PUDP: variants seen among roughly 807,000 people sequenced by gnomAD.
PUDP encodes the protein pseudouridine-5'-phosphatase.
Under a neutral mutation model 9.4 loss-of-function variants are expected in PUDP, and 8 were observed. The observed-to-expected ratio is 0.85, with a 90% CI of 0.50 to 1.53. The LOEUF is 1.53. Among genes scored for constraint, PUDP ranks in the 40% most tolerant of loss-of-function variants. The pLI is 0.00. For missense variants in PUDP, 188 were observed against 189.7 expected (o/e 0.99, Z 0.05); for synonymous variants, 99 against 80.7 (o/e 1.23, Z -1.22).
chrX:7,137,843 G>A (rs1164865586), intron 1 of PUDP, among the ~76,000 whole-genome samples: 2 of 111,828 alleles, frequency 1.8e-5, no homozygotes, highest in South Asian at 3.7e-4. Flanking sequence ...TAAGGGTTCC[G>A]GCTGTCCACA....
intron 3 of PUDP, among the ~76,000 whole-genome samples, chrX:6,932,535 C>T (rs768469680): frequency 1.5e-4 from 17 of 111,598 alleles, no homozygotes; most frequent in Non-Finnish European, 2.8e-4. Flanking sequence ...CAGCTCCCAG[C>T]GTGAGCGACG....
intron 3 of PUDP, among the ~76,000 whole-genome samples, chrX:7,068,068 G>A (rs1217367419): frequency 8.9e-6 from 1 of 111,755 alleles, no homozygotes; most frequent in African/African-American, 3.3e-5. Flanking sequence ...AAATTACCCA[G>A]TTTTGGGTAT....
intron 3 of PUDP, among the ~76,000 whole-genome samples, chrX:6,924,098 CAAA>C (rs1928065223): frequency 9.0e-6 from 1 of 111,230 alleles, no homozygotes; most frequent in African/African-American, 3.3e-5. Flanking sequence ...ACACGTTGTG[CAAA>C]ATGTCAACCC....
intron 1 of PUDP, among the ~76,000 whole-genome samples, chrX:7,125,649 A>C (rs1241975239): frequency 1.4e-4 from 16 of 111,959 alleles, no homozygotes; most frequent in Non-Finnish European, 2.3e-4. Context: ...ATACCTGAGA[A>C]TGGGTAATTT....
chrX:6,723,073 A>G (rs1193313281), upstream of PUDP, among the ~76,000 whole-genome samples: 2 of 110,871 alleles, frequency 1.8e-5, no homozygotes, highest in African/African-American at 6.6e-5. Flanking sequence ...AAAGCTCATA[A>G]ATAACCAACA....
chrX:6,929,909 T>C (rs1001735207), intron 3 of PUDP, among the ~76,000 whole-genome samples: 2 of 111,630 alleles, frequency 1.8e-5, no homozygotes, highest in Non-Finnish European at 3.8e-5. Context: ...TTTGATGTGA[T>C]GGGGCTTATC....
chrX:7,002,389 A>G (rs186154594), intron 1 of PUDP, among the ~76,000 whole-genome samples: 1 of 112,173 alleles, frequency 8.9e-6, no homozygotes, highest in East Asian at 2.8e-4. Flanking sequence ...GGAGGACTCT[A>G]AAACTTGCTT....
At chrX:6,938,786 C>CTTTTTTTTTTTTTTTTTTTTT (rs764265665) in intron 3 of PUDP, among the ~76,000 whole-genome samples, 1 of 83,434 alleles carries the variant, frequency 1.2e-5, no homozygotes, top group African/African-American at 4.4e-5. Flanking sequence ...TTCTTTCTTT[C>CTTTTTTTTTTTTTTTTTTTTT]TTTTTTTTTT....
At chrX:6,992,861 A>C (rs1246165478) in intron 1 of PUDP, among the ~76,000 whole-genome samples, 1 of 111,792 alleles carries the variant, frequency 8.9e-6, no homozygotes, top group African/African-American at 3.3e-5. Flanking sequence ...ATCAGCTGCC[A>C]ATGCAGCTAG....
chrX:7,101,290 CA>C (rs1200976965), intron 2 of PUDP, among the ~76,000 whole-genome samples: 210 of 97,763 alleles, frequency 2.1e-3, no homozygotes, highest in Admixed American at 3.5e-3. Context: ...TTTGTCAAGT[CA>C]AAAAAAAAAA....
intron 3 of PUDP, among the ~76,000 whole-genome samples, chrX:6,792,617 C>T (rs1925767303): frequency 9.0e-6 from 1 of 111,624 alleles, no homozygotes; most frequent in African/African-American, 3.3e-5. Context: ...TACATTTCCT[C>T]CTGGTTTACT....
At chrX:6,923,291 C>T (rs1928052925) in intron 3 of PUDP, among the ~76,000 whole-genome samples, 2 of 111,639 alleles carry the variant, frequency 1.8e-5, no homozygotes, top group South Asian at 7.7e-4. Context: ...GTGTCTCATT[C>T]AGCCTCACGG....
intron 1 of PUDP, among the ~76,000 whole-genome samples, chrX:6,714,083 G>C (rs1388485381): frequency 2.7e-5 from 3 of 110,509 alleles, no homozygotes; most frequent in Non-Finnish European, 5.7e-5. Context: ...GAAGAAACAG[G>C]GTTTTACTAT....
At chrX:7,013,506 T>G (rs188814956) in intron 1 of PUDP, among the ~76,000 whole-genome samples, 2 of 112,463 alleles carry the variant, frequency 1.8e-5, no homozygotes, top group East Asian at 5.6e-4. Context: ...TGGGAATAAG[T>G]TGTCAGCTTT....
chrX:7,077,074 G>C, intron 3 of PUDP, 146 bp downstream of exon 3: 1 of 957,387 alleles, frequency 1.0e-6, no homozygotes, highest in Non-Finnish European at 1.4e-6. Flanking sequence ...CCATCTCCCT[G>C]CCCACATACC....
intron 1 of PUDP, among the ~76,000 whole-genome samples, chrX:6,720,258 G>GTGTGTGTATATATATATA (rs1555907522): frequency 4.1e-5 from 2 of 48,805 alleles, no homozygotes; most frequent in African/African-American, 2.1e-4. Flanking sequence ...GTGTGTGTGT[G>GTGTGTGTATATATATATA]TATATATATA....
chrX:6,803,218 C>T (rs776458258), intron 3 of PUDP, among the ~76,000 whole-genome samples: 4 of 110,787 alleles, frequency 3.6e-5, no homozygotes, highest in Non-Finnish European at 7.6e-5. Context: ...GTTCTTCAGC[C>T]GATGGAAACC....
intron 3 of PUDP, among the ~76,000 whole-genome samples, chrX:6,886,293 G>T (rs897295798): frequency 1.8e-5 from 2 of 112,109 alleles, no homozygotes; most frequent in Non-Finnish European, 1.9e-5. Context: ...TTTTCACAAG[G>T]CTGATAATTG....
At chrX:6,894,651 A>G (rs1927561446) in intron 3 of PUDP, among the ~76,000 whole-genome samples, 1 of 111,579 alleles carries the variant, frequency 9.0e-6, no homozygotes, top group African/African-American at 3.3e-5. Context: ...TGTGAAGTGG[A>G]TCTCCAGGCT....
Sources: gnomAD v4.1 joint callset for allele counts (sites outside exome capture counted in the v4.1 genomes callset) on GRCh38, gnomAD v4.1.1 for gene constraint, MANE v1.5 for transcripts, NCBI Gene and HGNC (gene_info 2026-07-23, HGNC 2026-07-21) for gene names.